SMARCAD1: variants seen among roughly 807,000 people sequenced by gnomAD.
SMARCAD1 encodes SNF2 related chromatin remodeling ATPase with DExD box 1.
Under a neutral mutation model 127.1 loss-of-function variants are expected in SMARCAD1, and 25 were observed. The ratio of observed to expected loss-of-function variants is 0.20; its 90% CI spans 0.14 to 0.27. The LOEUF (loss-of-function observed/expected upper bound fraction) is 0.27. SMARCAD1 is among the 10% of genes least tolerant of loss of function. SMARCAD1 has a pLI of 1.00. For missense variants in SMARCAD1, 807 were observed against 1,206.0 expected (o/e 0.67, Z 4.90); for synonymous variants, 400 against 396.9 (o/e 1.01, Z -0.09).
chr4:94,274,929 A>G lies in SMARCAD1; in HGVS notation c.1772A>G (p.His591Arg), dbSNP rs1379204368. Residue 591 changes from histidine (H) to arginine (R), a missense_variant, in exon 14 of 24, where the codon CAT becomes CGT. His to Arg is a conservative substitution (Grantham distance 29). This residue lies in a region of SMARCAD1 where 148 missense variants were observed against 313.2 expected (regional missense o/e 0.47). Transcript: ENST00000354268. The part of the protein sequence containing the change: ...EERKQIRFNI[H>R]SRYEDYNVIV... ...CGTAAACAAATTAGATTTAACATTCATAGTAGATATGAAGATTACAATGTA... is the reference window on the plus strand; with the variant it reads ...CGTAAACAAATTAGATTTAACATTCGTAGTAGATATGAAGATTACAATGTA... 6.2e-7 allele frequency: 1 copy of G among 1,603,850 alleles called. No individual in the cohort carries two copies. Among genetic ancestry groups the G allele is most frequent in the Non-Finnish European group, 8.5e-7 (1 of 1,171,738 alleles).
intron 2 of SMARCAD1, among the ~76,000 whole-genome samples, chr4:94,223,095 CACTAA>C (rs1744411349): frequency 6.6e-6 from 1 of 152,152 alleles, no homozygotes; most frequent in Admixed American, 6.5e-5. Context: ...TCCTAATCCT[CACTAA>C]TTAAATTTTT....
rs185505235 is a variant in SMARCAD1, at chr4:94,265,901, C to T, written c.1481+995C>T. ...GTAGGATCTCATTAAAATTAATTGC[C>T]TTAGTTGCTGATTTTATTTACTTCT... On this transcript the variant is annotated intron_variant, in intron 10 of 23. Transcript: ENST00000354268. Among the ~76,000 whole-genome samples the T allele has an allele frequency of 4.6e-5, 7 of 151,858 alleles. No homozygotes were observed. In the East Asian group the frequency reaches 1.4e-3, roughly 29 times the overall value.
At chr4:94,229,766 G>GGA (rs1191878953) in intron 3 of SMARCAD1, among the ~76,000 whole-genome samples, 2 of 150,910 alleles carry the variant, frequency 1.3e-5, no homozygotes, top group Non-Finnish European at 3.0e-5. Context: ...TTGGAGTTAG[G>GGA]GAGAGAGAGA....
At chr4:94,209,617 G>A (rs1741872335) in intron 2 of SMARCAD1, among the ~76,000 whole-genome samples, 1 of 152,092 alleles carries the variant, frequency 6.6e-6, no homozygotes, top group Non-Finnish European at 1.5e-5. Flanking sequence ...AATAATGATG[G>A]CAGATCCTCT....
Position 94,207,888 on chromosome 4 carries a change from C to G in SMARCAD1, c.-232C>G, listed in dbSNP as rs917470533. On this transcript the variant is annotated 5_prime_UTR_variant, in exon 1 of 24. Coordinates refer to ENST00000354268, the MANE Select transcript of SMARCAD1 (RefSeq NM_020159.5). ...CCGCGTCAACTTCCGGGCGGATGCCCGCCAGCACGGCCTCCGCCGCTCCCC... is the reference window on the plus strand; with the variant it reads ...CCGCGTCAACTTCCGGGCGGATGCCGGCCAGCACGGCCTCCGCCGCTCCCC... 14 of 334,160 alleles carry G rather than the reference C, an allele frequency of 4.2e-5. No homozygotes were observed. The highest frequency in any genetic ancestry group is 6.5e-5 in the African/African-American group (3 of 46,208). The allele number at this position is 334,160 out of a possible 1,614,324, so 20.7% of individuals were successfully genotyped here.
At position 94,290,937 on chromosome 4, in the gene SMARCAD1, A is replaced by G. The variant is rs112056744; in HGVS notation, c.*1403A>G. 1.1e-5 allele frequency: 5 copies of G among 453,776 alleles called. No homozygotes were observed. The highest frequency in any genetic ancestry group is 8.0e-5 in the African/African-American group (4 of 50,070). 28.1% of individuals were successfully genotyped at this position (453,776 alleles called of 1,614,324 possible). ...TAAAACTCTTACAGTGATTATTTAG[A>G]TATTAAAGACTGAGAACTCACGGCT... is the stretch of plus-strand genomic sequence containing the variant. On this transcript the variant is annotated 3_prime_UTR_variant, in exon 24 of 24. Transcript: ENST00000354268.
intron 6 of SMARCAD1, among the ~76,000 whole-genome samples, chr4:94,247,619 T>C (rs2125904572): frequency 6.6e-6 from 1 of 152,322 alleles, no homozygotes; most frequent in South Asian, 2.1e-4. Context: ...ATCATTCCTG[T>C]CTAGTTCCAA....
chr4:94,279,166 C>CTT, intron 19 of SMARCAD1, 116 bp downstream of exon 19: 11 of 1,313,414 alleles, frequency 8.4e-6, no homozygotes, highest in East Asian at 2.6e-5. Flanking sequence ...TTAAGAAAAA[C>CTT]TTTTTTTTTT....
intron 2 of SMARCAD1, among the ~76,000 whole-genome samples, chr4:94,222,968 AAAAT>A (rs1744387407): frequency 6.6e-6 from 1 of 151,494 alleles, no homozygotes; most frequent in East Asian, 2.0e-4. Flanking sequence ...TGTCTCAAAA[AAAAT>A]AAATAAAATA....
chr4:94,286,761 A>G (rs543337696), intron 23 of SMARCAD1, among the ~76,000 whole-genome samples: 1 of 152,146 alleles, frequency 6.6e-6, no homozygotes, highest in African/African-American at 2.4e-5. Flanking sequence ...TCAGTCTAAA[A>G]TTTTGCCTGT....
chr4:94,261,248 G>A (rs1750932210), intron 9 of SMARCAD1, among the ~76,000 whole-genome samples: 1 of 151,752 alleles, frequency 6.6e-6, no homozygotes, highest in Non-Finnish European at 1.5e-5. Flanking sequence ...CTTAATAATG[G>A]TTGTGTGACT....
intron 9 of SMARCAD1, among the ~76,000 whole-genome samples, chr4:94,261,406 AAT>A (rs1750964134): frequency 6.6e-6 from 1 of 152,230 alleles, no homozygotes; most frequent in Admixed American, 6.5e-5. Context: ...CCGAATTGTG[AAT>A]ATGTTATTAG....
chr4:94,247,429 A>C (rs942001874), intron 6 of SMARCAD1, among the ~76,000 whole-genome samples: 13 of 152,204 alleles, frequency 8.5e-5, no homozygotes, highest in Non-Finnish European at 2.9e-5. Flanking sequence ...TGTGGGACCC[A>C]AGAGCAAACA....
At chr4:94,275,483 A>G (rs912298247) in intron 14 of SMARCAD1, among the ~76,000 whole-genome samples, 2 of 152,166 alleles carry the variant, frequency 1.3e-5, no homozygotes, top group African/African-American at 2.4e-5. Context: ...TTTTAACTGT[A>G]GTTATTATTT....
At chr4:94,253,730 A>G (rs2125920121) in intron 9 of SMARCAD1, 1 of 963,692 alleles carries the variant, frequency 1.0e-6, no homozygotes, top group Non-Finnish European at 1.2e-6. Context: ...CAGGTTGTAT[A>G]CAGAATACCT....
At chr4:94,228,901 G>GT (rs1245064613) in intron 3 of SMARCAD1, among the ~76,000 whole-genome samples, 1 of 152,014 alleles carries the variant, frequency 6.6e-6, no homozygotes, top group Non-Finnish European at 1.5e-5. Context: ...AATAGGCCAG[G>GT]TTTTTTTAGA....
intron 16 of SMARCAD1, 96 bp from the exon 17 acceptor site, chr4:94,278,326 C>T: frequency 9.3e-7 from 1 of 1,079,724 alleles, no homozygotes; most frequent in South Asian, 1.4e-5. Context: ...ATAACTCAGA[C>T]TCTAATGAGG....
Position 94,226,162 on chromosome 4 carries a change from A to C in SMARCAD1, c.234A>C (p.Ala78=), listed in dbSNP as rs1400109771. 7 of 1,611,784 alleles carry C rather than the reference A, an allele frequency of 4.3e-6. No homozygotes were observed. The highest frequency in any genetic ancestry group is 5.1e-6 in the Non-Finnish European group (6 of 1,178,238). Residue 78 remains alanine, a synonymous_variant, in exon 3 of 24, where the codon GCA becomes GCC. Transcript: ENST00000354268. ...AAACTCCAGATAATGAAAGAAAAGC[A>C]AGTATATCATATTTCAAAAATCAAA... ...VPETPDNERK[A]SISYFKNQRG...
At position 94,288,939 on chromosome 4, in the gene SMARCAD1, A is replaced by G. The variant is rs548776245; in HGVS notation, c.3020-534A>G. ...TACTGGGGCCTCATTTAATTAAAATATAGGGCAAACATTGGATAAACCAGG... is the reference window on the plus strand; with the variant it reads ...TACTGGGGCCTCATTTAATTAAAATGTAGGGCAAACATTGGATAAACCAGG... On this transcript the variant is annotated intron_variant, in intron 23 of 23. Transcript: ENST00000354268. Among the ~76,000 whole-genome samples, 14 of 152,338 alleles carry G rather than the reference A, an allele frequency of 9.2e-5. No individual in the cohort carries two copies. The South Asian group carries it at 2.9e-3, about 32-fold the overall frequency.
Sources: allele counts gnomAD v4.1 joint callset (sites outside exome capture counted in the v4.1 genomes callset), GRCh38; gene constraint gnomAD v4.1.1; regional missense constraint gnomAD v4.1.1; transcripts MANE v1.5; gene names NCBI Gene and HGNC (gene_info 2026-07-23, HGNC 2026-07-21).